FRMD4A: variants seen among roughly 807,000 people sequenced by gnomAD.
FRMD4A encodes FERM domain-containing protein 4A.
A neutral mutation model predicts 129.1 loss-of-function variants in FRMD4A; 29 were observed. The ratio of observed to expected loss-of-function variants is 0.22; its 90% CI spans 0.17 to 0.31. The LOEUF (loss-of-function observed/expected upper bound fraction) is 0.31, where lower values mean the gene tolerates loss of function less well. Among genes scored for constraint, FRMD4A ranks in the 10% least tolerant of loss-of-function variants. The pLI is 1.00. For missense variants in FRMD4A, 1,272 were observed against 1,375.8 expected, an observed-to-expected ratio of 0.92 and a Z score of 1.19; for synonymous variants, 634 against 571.6, an observed-to-expected ratio of 1.11 and a Z score of -1.56.
chr10:14,292,534 T>C (rs541292167), intron 2 of FRMD4A, among the ~76,000 whole-genome samples: 1 of 152,350 alleles, frequency 6.6e-6, no homozygotes, highest in African/African-American at 2.4e-5. Flanking sequence ...GCATGGTGGC[T>C]CACGCCTGTA....
At chr10:13,679,669 G>A (rs1308134738) in intron 15 of FRMD4A, among the ~76,000 whole-genome samples, 1 of 151,552 alleles carries the variant, frequency 6.6e-6, no homozygotes, top group African/African-American at 2.4e-5. Flanking sequence ...CCTGCTGCAT[G>A]TATTCAGGTT....
intron 3 of FRMD4A, among the ~76,000 whole-genome samples, chr10:13,847,518 C>CCCTT (rs1564903669): frequency 3.9e-5 from 6 of 151,960 alleles, no homozygotes; most frequent in South Asian, 2.1e-4. Context: ...CTCCTTCCCT[C>CCCTT]CCTCCCTTCC....
intron 2 of FRMD4A, among the ~76,000 whole-genome samples, chr10:14,213,998 T>C (rs770816502): frequency 1.3e-5 from 2 of 152,234 alleles, no homozygotes; most frequent in African/African-American, 2.4e-5. Context: ...TCTCACGAGA[T>C]CTGATGGTTT....
chr10:14,034,324 C>T (rs1212951442), intron 2 of FRMD4A, among the ~76,000 whole-genome samples: 4 of 152,100 alleles, frequency 2.6e-5, no homozygotes, highest in Non-Finnish European at 4.4e-5. Flanking sequence ...CTCGGGGTTC[C>T]GAGTGATGAG....
chr10:13,735,824 C>A (rs932766007), intron 12 of FRMD4A, among the ~76,000 whole-genome samples: 1 of 152,118 alleles, frequency 6.6e-6, no homozygotes, highest in African/African-American at 2.4e-5. Flanking sequence ...GTATTCTTGG[C>A]TTTTGCAAGT....
rs11258499 is a variant in FRMD4A, at chr10:13,651,883, C to T, written c.*2+20G>A. On this transcript the variant is annotated intron_variant, in intron 24 of 24. Coordinates refer to ENST00000357447, the MANE Select transcript of FRMD4A (RefSeq NM_018027.5). ...ACCACAGACTCATGGGCAGTAGGAA[C>T]AAAACTCCCCTTACGGTACCTCTAT... is the stretch of plus-strand genomic sequence containing the variant. The T allele has an allele frequency of 0.33, 443,808 of 1,340,068 alleles. 81,738 individuals are homozygous for T. The highest frequency in any genetic ancestry group is 0.75 in the East Asian group (32,429 of 43,370). 83.0% of individuals were successfully genotyped at this position (1,340,068 alleles called of 1,614,324 possible). A position where few individuals can be genotyped will look rare whatever the true frequency, so the allele number is the denominator to read the frequency against.
intron 2 of FRMD4A, among the ~76,000 whole-genome samples, chr10:14,297,091 G>C (rs1846033668): frequency 6.6e-6 from 1 of 151,708 alleles, no homozygotes; most frequent in Non-Finnish European, 1.5e-5. Flanking sequence ...GCCAGATCCA[G>C]AGAATGCCAG....
At chr10:13,886,999 C>T (rs2094631074) in intron 2 of FRMD4A, among the ~76,000 whole-genome samples, 1 of 152,168 alleles carries the variant, frequency 6.6e-6, no homozygotes, top group South Asian at 2.1e-4. Context: ...TGTACCAATG[C>T]TCCTGACCAC....
At chr10:14,241,595 GTTTATAC>G (rs1844043141) in intron 2 of FRMD4A, among the ~76,000 whole-genome samples, 1 of 139,550 alleles carries the variant, frequency 7.2e-6, no homozygotes, top group African/African-American at 2.7e-5. Flanking sequence ...GATCTTTAGC[GTTTATAC>G]TTTATTAGCC....
rs543366128 is a variant in FRMD4A, at chr10:13,785,416, T to C, written c.300-2410A>G. On this transcript the variant is annotated intron_variant, in intron 5 of 24. Transcript: ENST00000357447. The stretch of plus-strand genomic sequence containing the variant: ...CCCTGCCAAGCACCTGCCCCCTGCT[T>C]CTGGAGCAGGTGTCTTATATCACCA... 1.1e-4 allele frequency among the ~76,000 whole-genome samples: 16 copies of C among 152,248 alleles called. 1 individual carries two copies. Among genetic ancestry groups the C allele is most frequent in the Admixed American group, 5.2e-4 (8 of 15,288 alleles).
In FRMD4A at chr10:13,684,467, C is replaced by T. The variant is rs113499921; in HGVS notation, c.1118-9423G>A. ...CAGCCGGGGAACTCCAGACTCCAGCCGGGGACAGCTGGGTGTGGAGGAGCG... is the reference window on the plus strand; with the variant it reads ...CAGCCGGGGAACTCCAGACTCCAGCTGGGGACAGCTGGGTGTGGAGGAGCG... On this transcript the variant is annotated intron_variant, in intron 15 of 24. Transcript: ENST00000357447. The T allele has an allele frequency of 1.1e-3, 1,048 of 985,292 alleles. 8 individuals are homozygous for T. The African/African-American group carries it at 0.017, about 16-fold the overall frequency. 61.0% of individuals were successfully genotyped at this position (985,292 alleles called of 1,614,324 possible).
chr10:13,727,961 C>T (rs540211970), intron 12 of FRMD4A: 13 of 152,278 alleles, frequency 8.5e-5, no homozygotes, highest in African/African-American at 3.1e-4. Context: ...AGACTGTAAG[C>T]TCTGTGCATG....
intron 2 of FRMD4A, among the ~76,000 whole-genome samples, chr10:14,162,432 C>T (rs1840938701): frequency 1.3e-5 from 2 of 152,188 alleles, no homozygotes; most frequent in African/African-American, 4.8e-5. Context: ...GGCATGAATG[C>T]CCGAAGTGCT....
chr10:14,201,339 G>A (rs989332471), intron 2 of FRMD4A, among the ~76,000 whole-genome samples: 9 of 152,110 alleles, frequency 5.9e-5, no homozygotes, highest in East Asian at 1.9e-4. Context: ...AAATTCTCCC[G>A]GTTAGAATAA....
chr10:13,664,863 A>G (rs908359153), intron 18 of FRMD4A, among the ~76,000 whole-genome samples: 2 of 151,744 alleles, frequency 1.3e-5, no homozygotes, highest in Non-Finnish European at 2.9e-5. Flanking sequence ...GTGCATGCCA[A>G]CATGCCCAGC....
chr10:13,677,623 G>A (rs554546295), intron 15 of FRMD4A, among the ~76,000 whole-genome samples: 2 of 152,200 alleles, frequency 1.3e-5, no homozygotes, highest in South Asian at 2.1e-4. Flanking sequence ...TTTTTGAAAT[G>A]GTTCAGGTTT....
chr10:13,715,391 G>C (rs193132279), intron 12 of FRMD4A, among the ~76,000 whole-genome samples: 1 of 152,284 alleles, frequency 6.6e-6, no homozygotes, highest in Admixed American at 6.5e-5. Flanking sequence ...ATTTCCTACC[G>C]ATGGGAGACA....
At chr10:14,174,314 T>C (rs1841619923) in intron 2 of FRMD4A, among the ~76,000 whole-genome samples, 1 of 152,086 alleles carries the variant, frequency 6.6e-6, no homozygotes, top group Non-Finnish European at 1.5e-5. Flanking sequence ...CTCCTCCCTC[T>C]CTCTTTCCAT....
chr10:14,164,371 T>A (rs1428292464), intron 2 of FRMD4A, among the ~76,000 whole-genome samples: 1 of 152,158 alleles, frequency 6.6e-6, no homozygotes, highest in Non-Finnish European at 1.5e-5. Flanking sequence ...TGCTCTCCTC[T>A]CATGTAGCTG....
Sources: gnomAD v4.1 joint callset for allele counts (sites outside exome capture counted in the v4.1 genomes callset) on GRCh38, gnomAD v4.1.1 for gene constraint, MANE v1.5 for transcripts, NCBI Gene and HGNC (gene_info 2026-07-23, HGNC 2026-07-21) for gene names.